Variants in RSRP1 observed in about 807,000 individuals in gnomAD.
RSRP1 encodes arginine/serine-rich protein 1.
A neutral mutation model predicts 33.0 loss-of-function variants in RSRP1; 37 were observed. The ratio of observed to expected loss-of-function variants is 1.12; its 90% CI spans 0.86 to 1.48. RSRP1 has a LOEUF of 1.48. Among genes scored for constraint, RSRP1 ranks in the 40% most tolerant of loss-of-function variants. RSRP1 has a pLI of 0.00. For missense variants in RSRP1, 402 were observed against 385.3 expected (o/e 1.04, Z -0.36); for synonymous variants, 167 against 158.7 (o/e 1.05, Z -0.40).
rs41300142 is a variant in RSRP1, at chr1:25,306,709, C to T, written c.-67+31269G>A. The T allele has an allele frequency of 1.1e-4, 147 of 1,377,810 alleles. 30 individuals are homozygous for T. The highest frequency in any genetic ancestry group is 6.1e-4 in the African/African-American group (43 of 69,978). The allele number at this position is 1,377,810 out of a possible 1,614,324, so 85.3% of individuals were successfully genotyped here. On this transcript the variant is annotated intron_variant, in intron 1 of 1. Transcript: ENST00000561867. ...ACATTGTGCTGCTGGTGCTTGATAC[C>T]GTCGGAGCCGGCAATGGCATGTGGG...
chr1:25,249,980 G>A (rs1168118863), upstream of RSRP1, among the ~76,000 whole-genome samples: 2 of 152,166 alleles, frequency 1.3e-5, no homozygotes, highest in African/African-American at 4.8e-5. Flanking sequence ...GAGACAAATT[G>A]TGGAGTCCTT....
At chr1:25,257,821 G>A (rs1379913752) in intron 1 of RSRP1, among the ~76,000 whole-genome samples, 2 of 151,944 alleles carry the variant, frequency 1.3e-5, no homozygotes, top group African/African-American at 2.4e-5. Flanking sequence ...ACATTGCCCA[G>A]GCTGGTCTCA....
intron 1 of RSRP1, chr1:25,301,787 G>T (rs184775001): frequency 5.5e-6 from 5 of 904,938 alleles, no homozygotes; most frequent in Non-Finnish European, 8.9e-6. Flanking sequence ...TTGGGAGAGG[G>T]CATGCCGGGT....
chr1:25,245,433 T>TA (rs1444822862), intron 2 of RSRP1, 132 bp from the exon 3 acceptor site: 6 of 1,268,428 alleles, frequency 4.7e-6, no homozygotes, highest in Non-Finnish European at 6.3e-6. Context: ...TTATAATAGG[T>TA]AAACTAAGGT....
At chr1:25,333,863 C>T (rs1254069430) in intron 1 of RSRP1, among the ~76,000 whole-genome samples, 2 of 130,714 alleles carry the variant, frequency 1.5e-5, no homozygotes, top group African/African-American at 5.3e-5. Context: ...ATCACTATCA[C>T]GAGAACAGCA....
At position 25,270,115 on chromosome 1, in the gene RSRP1, G is replaced by C. The variant is rs1414204019; in HGVS notation, c.-66-23086C>G. On this transcript the variant is annotated intron_variant, in intron 1 of 1. Coordinates refer to the RSRP1 transcript ENST00000561867. ...GAGGAGTTCCTTCTCAGGAAACCCA[G>C]TTTATAAGAAGTACTGACTGCCAGA... Among the ~76,000 whole-genome samples, 12 of 131,984 alleles carry C rather than the reference G, an allele frequency of 9.1e-5. 4 individuals carry two copies. Among genetic ancestry groups the C allele is most frequent in the Non-Finnish European group, 2.0e-4 (11 of 55,678 alleles). 86.6% of individuals were successfully genotyped at this position (131,984 alleles called of 152,430 possible). A position where few individuals can be genotyped will look rare whatever the true frequency, so the allele number is the denominator to read the frequency against.
intron 1 of RSRP1, 123 bp downstream of exon 1, chr1:25,247,186 G>A (rs1055691528): frequency 2.0e-6 from 1 of 494,500 alleles, no homozygotes; most frequent in Non-Finnish European, 3.5e-6. Flanking sequence ...TCGGCGCCCT[G>A]AGGCCGCGGC....
At chr1:25,264,155 G>A (rs1640248557) in intron 1 of RSRP1, among the ~76,000 whole-genome samples, 1 of 151,896 alleles carries the variant, frequency 6.6e-6, no homozygotes, top group Non-Finnish European at 1.5e-5. Flanking sequence ...CAAGCTGTCG[G>A]TGGATCTACC....
intron 1 of RSRP1, among the ~76,000 whole-genome samples, chr1:25,292,378 T>G (rs557059432): frequency 0.016 from 2,137 of 129,634 alleles, 312 homozygotes; most frequent in Middle Eastern, 0.056. Flanking sequence ...CGGCAGTGAT[T>G]GCCATCATCC....
At chr1:25,301,535 G>C (rs754786003) in intron 1 of RSRP1, 2 of 1,378,530 alleles carry the variant, frequency 1.5e-6, no homozygotes, top group South Asian at 2.4e-5. Flanking sequence ...CTCTTCTTGT[G>C]GATGTTCTGG....
intron 1 of RSRP1, chr1:25,329,242 T>TG: frequency 1.7e-6 from 1 of 591,928 alleles, no homozygotes; most frequent in Non-Finnish European, 2.7e-6. Flanking sequence ...TCCTTGTTTT[T>TG]TTTTTTTTTT....
At chr1:25,249,611 G>C (rs1639713905), upstream of RSRP1, among the ~76,000 whole-genome samples, 1 of 152,166 alleles carries the variant, frequency 6.6e-6, no homozygotes, top group Non-Finnish European at 1.5e-5. Context: ...CAAAGTGCTG[G>C]GATTACAGGC....
chr1:25,252,008 A>G (rs1557494129), upstream of RSRP1, among the ~76,000 whole-genome samples: 1 of 150,936 alleles, frequency 6.6e-6, no homozygotes, highest in East Asian at 1.9e-4. Context: ...CCCATGCCCC[A>G]GCCTCCCAAG....
At chr1:25,254,854 G>A (rs1205478670) in intron 1 of RSRP1, among the ~76,000 whole-genome samples, 1 of 152,168 alleles carries the variant, frequency 6.6e-6, no homozygotes, top group Non-Finnish European at 1.5e-5. Context: ...AAGTCATACA[G>A]GTGCAATTAC....
chr1:25,306,361 G>C (rs540388171), intron 1 of RSRP1, among the ~76,000 whole-genome samples: 1 of 131,708 alleles, frequency 7.6e-6, no homozygotes, highest in South Asian at 2.3e-4. Flanking sequence ...GCATCACCTG[G>C]GACCTTGTTA....
rs561458142 is a variant in RSRP1 at position 25,243,546 on chromosome 1, T to C, written c.756+4A>G. The C allele has an allele frequency of 2.5e-6, 4 of 1,613,358 alleles. No individual in the cohort carries two copies. In the East Asian group the frequency reaches 6.7e-5, roughly 27 times the overall value. On this transcript the variant is annotated splice_donor_region_variant and intron_variant, in intron 4 of 4. Coordinates refer to ENST00000243189, the MANE Select transcript of RSRP1 (RefSeq NM_020317.5). ...TTGAGTGTTCAATGCCTGGATATAC[T>C]TACATTAGAGCTAAAAGCTATGCTT...
At position 25,242,711 on chromosome 1, in the gene RSRP1, A is replaced by G. The variant is rs1638947278; in HGVS notation, c.757-6T>C. ...ATTGGCTTTGCTACAGAATTCTGTA[A>G]AAGAACAAATTCAGTCAGCTTCCCA... On this transcript the variant is annotated splice_region_variant and splice_polypyrimidine_tract_variant and intron_variant, in intron 4 of 4. Coordinates refer to ENST00000243189, the MANE Select transcript of RSRP1 (RefSeq NM_020317.5). 2 of 1,574,260 alleles carry G rather than the reference A, an allele frequency of 1.3e-6. No individual in the cohort carries two copies. The highest frequency in any genetic ancestry group is 1.4e-5 in the African/African-American group (1 of 73,640).
chr1:25,287,003 G>C (rs1219406545), intron 1 of RSRP1, among the ~76,000 whole-genome samples: 1 of 134,364 alleles, frequency 7.4e-6, no homozygotes, highest in African/African-American at 2.6e-5. Flanking sequence ...TGAGGCAGGC[G>C]AATCACTTGA....
At chr1:25,289,823 AT>A (rs71014347) in intron 1 of RSRP1, among the ~76,000 whole-genome samples, 2,944 of 115,748 alleles carry the variant, frequency 0.025, 446 homozygotes, top group African/African-American at 0.077. Flanking sequence ...TCATAAGTAC[AT>A]TTTTTTTTTT....
Sources: allele counts gnomAD v4.1 joint callset (sites outside exome capture counted in the v4.1 genomes callset), GRCh38; gene constraint gnomAD v4.1.1; transcripts MANE v1.5; gene names NCBI Gene and HGNC (gene_info 2026-07-23, HGNC 2026-07-21).